Variants in CHRNB3 observed in about 807,000 individuals in gnomAD.
The protein encoded by CHRNB3 is neuronal acetylcholine receptor subunit beta-3.
A neutral mutation model predicts 40.6 loss-of-function variants in CHRNB3; 37 were observed. The observed-to-expected ratio is 0.91, with a 90% CI of 0.70 to 1.20. The LOEUF is 1.20. Ranked by LOEUF, CHRNB3 falls within the 50% of genes most tolerant of loss-of-function variation. The pLI is 0.00. For synonymous variants in CHRNB3, 207 were observed against 207.1 expected, an observed-to-expected ratio of 1.00 and a Z score of 0.00; for missense variants, 505 against 551.2, an observed-to-expected ratio of 0.92 and a Z score of 0.84.
At chr8:42,700,748 T>TACTC (rs148846854) in intron 1 of CHRNB3, among the ~76,000 whole-genome samples, 1,717 of 152,330 alleles carry the variant, frequency 0.011, 36 homozygotes, top group African/African-American at 0.04. Context: ...GATCTAGAAA[T>TACTC]ACAGATCTGA....
intron 3 of CHRNB3, among the ~76,000 whole-genome samples, chr8:42,714,418 G>T (rs2128906220): frequency 6.6e-6 from 1 of 152,108 alleles, no homozygotes; most frequent in South Asian, 2.1e-4. Flanking sequence ...AGGAGAATCG[G>T]TTGTACCTGG....
intron 3 of CHRNB3, chr8:42,726,055 A>T: frequency 1.1e-6 from 1 of 948,916 alleles, no homozygotes; most frequent in Non-Finnish European, 1.7e-6. Flanking sequence ...GTCACCAGGA[A>T]TCTTGTAGGA....
At chr8:42,726,143 G>T in intron 3 of CHRNB3, 2 of 1,363,922 alleles carry the variant, frequency 1.5e-6, no homozygotes, top group Non-Finnish European at 2.1e-6. Context: ...CTTTGCCTGG[G>T]TGGCTTTGAG....
chr8:42,700,643 C>T (rs1478363814), intron 1 of CHRNB3, among the ~76,000 whole-genome samples: 1 of 152,046 alleles, frequency 6.6e-6, no homozygotes, highest in Non-Finnish European at 1.5e-5. Flanking sequence ...TCTGTCCTGG[C>T]TGAGGATAAA....
In CHRNB3 at chr8:42,724,067, CAA is replaced by C. The variant is rs1257880702; in HGVS notation, c.250-6526_250-6525del. Among the ~76,000 whole-genome samples the C allele has an allele frequency of 2.0e-5, 3 of 151,624 alleles. No homozygotes were observed. The South Asian group carries it at 6.2e-4, about 32-fold the overall frequency. On this transcript the variant is annotated intron_variant, in intron 3 of 5. Transcript: ENST00000289957. ...CGCCACTGTACTCCAGCCTGGGCAACAAGAGCGAAACTCCATCTCAAAAAAAA... is the reference window on the plus strand; with the variant it reads ...CGCCACTGTACTCCAGCCTGGGCAACGAGCGAAACTCCATCTCAAAAAAAA...
chr8:42,700,173 C>T (rs1466786912), intron 1 of CHRNB3, among the ~76,000 whole-genome samples: 2 of 151,874 alleles, frequency 1.3e-5, no homozygotes, highest in African/African-American at 4.8e-5. Flanking sequence ...ACCACCACGC[C>T]CAGCTAATAT....
In CHRNB3 at chr8:42,731,674, G is replaced by C. The variant is rs757039691; in HGVS notation, c.367G>C (p.Gly123Arg). Reference protein sequence around the residue: ...PDIVLFENADGRFEGSLMTKV... With the variant: ...PDIVLFENADRRFEGSLMTKV... ...AAACTGCTTTGATTGCAGTGCTGACGGCCGCTTCGAAGGCTCCCTGATGAC... is the reference window on the plus strand; with the variant it reads ...AAACTGCTTTGATTGCAGTGCTGACCGCCGCTTCGAAGGCTCCCTGATGAC... Residue 123 changes from glycine (G) to arginine (R), a missense_variant, in exon 5 of 6, where the codon GGC (glycine) becomes CGC (arginine). Transcript: ENST00000289957. The C allele has an allele frequency of 1.1e-5, 18 of 1,604,822 alleles. No individual in the cohort carries two copies. The highest frequency in any genetic ancestry group is 2.7e-5 in the African/African-American group (2 of 74,516).
In CHRNB3 at chr8:42,731,943, C is replaced by G. The variant is rs1179875668; in HGVS notation, c.636C>G (p.Asn212Lys). 2 of 1,614,148 alleles carry G rather than the reference C, an allele frequency of 1.2e-6. No homozygotes were observed. The highest frequency in any genetic ancestry group is 4.5e-5 in the East Asian group (2 of 44,890). The change falls in exon 5 of 6, where the codon AAC (asparagine) becomes AAG (lysine). Residue 212 changes from asparagine (N) to lysine (K), a missense_variant. By Grantham distance (94) the Asn-to-Lys change is moderately conservative. Transcript: ENST00000289957. ...TGAACGCAAAGGGGATGAAGGGGAACAGAAGGGACGGCGTGTACTCCTATC... is the reference window on the plus strand; with the variant it reads ...TGAACGCAAAGGGGATGAAGGGGAAGAGAAGGGACGGCGTGTACTCCTATC... ...EILNAKGMKG[N>K]RRDGVYSYPF...
At chr8:42,706,669 C>G (rs1035700399) in intron 1 of CHRNB3, among the ~76,000 whole-genome samples, 1 of 152,162 alleles carries the variant, frequency 6.6e-6, no homozygotes, top group Non-Finnish European at 1.5e-5. Flanking sequence ...TTTCCTGGCT[C>G]TTTACAGACT....
intron 1 of CHRNB3, among the ~76,000 whole-genome samples, chr8:42,707,476 A>C (rs1017628566): frequency 2.6e-5 from 4 of 152,216 alleles, no homozygotes; most frequent in African/African-American, 9.6e-5. Flanking sequence ...TAAAACTCCC[A>C]TGCTGATCAG....
intron 3 of CHRNB3, among the ~76,000 whole-genome samples, chr8:42,726,439 G>C (rs989484762): frequency 6.6e-6 from 1 of 150,756 alleles, no homozygotes; most frequent in Non-Finnish European, 1.5e-5. Context: ...TGTATATTTA[G>C]ATACTAACAA....
At chr8:42,719,564 T>C (rs1816182570) in intron 3 of CHRNB3, among the ~76,000 whole-genome samples, 1 of 152,092 alleles carries the variant, frequency 6.6e-6, no homozygotes, top group South Asian at 2.1e-4. Context: ...GGAAGATGGT[T>C]TGAGCCCAGG....
At chr8:42,717,032 T>C (rs1392845040) in intron 3 of CHRNB3, among the ~76,000 whole-genome samples, 2 of 151,992 alleles carry the variant, frequency 1.3e-5, no homozygotes, top group African/African-American at 2.4e-5. Context: ...TCAGCAAACA[T>C]GAAGGTCTTA....
rs989803035 is a variant in CHRNB3, at chr8:42,726,164, G to A, written c.250-4430G>A. ...CTGGGTGGCTTTGAGGGCTTGATAA[G>A]CTGTCCTCATTTTCAGGAGATTTTC... On this transcript the variant is annotated intron_variant, in intron 3 of 5. Transcript: ENST00000289957. 6 of 1,329,516 alleles carry A rather than the reference G, an allele frequency of 4.5e-6. No individual in the cohort carries two copies. The South Asian group carries it at 5.9e-5, about 13-fold the overall frequency. 82.4% of individuals were successfully genotyped at this position (1,329,516 alleles called of 1,614,324 possible).
chr8:42,732,102 T>C lies in CHRNB3; in HGVS notation c.795T>C (p.Leu265=), dbSNP rs1816436331. The part of the protein sequence containing the change: ...FYLPSDEGEK[L]SLSTSVLVSL... ...TACCTTCGGATGAAGGAGAAAAACTTTCATTATCCACATCGGTCTTGGTTT... is the reference window on the plus strand; with the variant it reads ...TACCTTCGGATGAAGGAGAAAAACTCTCATTATCCACATCGGTCTTGGTTT... The change falls in exon 5 of 6, where the codon CTT becomes CTC. Residue 265 remains leucine, a synonymous_variant. Transcript: ENST00000289957. The C allele has an allele frequency of 9.3e-6, 15 of 1,614,090 alleles. No homozygotes were observed. Among genetic ancestry groups the C allele is most frequent in the Non-Finnish European group, 1.3e-5 (15 of 1,180,030 alleles).
intron 5 of CHRNB3, among the ~76,000 whole-genome samples, chr8:42,734,259 CAAAAA>C (rs769371275): frequency 1.3e-4 from 3 of 23,970 alleles, no homozygotes; most frequent in African/African-American, 3.6e-4. Context: ...GACTCCATCT[CAAAAA>C]AAAAAAAAAA....
intron 3 of CHRNB3, chr8:42,725,730 CAGAG>C (rs949963050): frequency 2.2e-6 from 2 of 920,592 alleles, no homozygotes; most frequent in Non-Finnish European, 3.5e-6. Context: ...TGTTGTCTGT[CAGAG>C]GGATGGTCTT....
intron 3 of CHRNB3, chr8:42,726,213 G>C: frequency 1.2e-6 from 1 of 866,072 alleles, no homozygotes. Flanking sequence ...ATTTATCTTT[G>C]CTCTTGCTCT....
At chr8:42,710,344 A>G (rs1815993550) in intron 2 of CHRNB3, 46 bp from the exon 3 acceptor site, 1 of 1,421,712 alleles carries the variant, frequency 7.0e-7, no homozygotes, top group Non-Finnish European at 9.8e-7. Context: ...ATCACAACTT[A>G]TTTTCACTTC....
Sources: allele counts gnomAD v4.1 joint callset (sites outside exome capture counted in the v4.1 genomes callset), GRCh38; gene constraint gnomAD v4.1.1; transcripts MANE v1.5; gene names NCBI Gene and HGNC (gene_info 2026-07-23, HGNC 2026-07-21).